The following LAMA2 variants were observed in gnomAD, a reference collection of about 807,000 sequenced individuals.
LAMA2 encodes the protein laminin subunit alpha 2.
LAMA2 carries 269 observed loss-of-function variants against 364.8 expected under a neutral mutation model. The ratio of observed to expected loss-of-function variants is 0.74; its 90% CI spans 0.67 to 0.82. The LOEUF is 0.82. Ranked by LOEUF, LAMA2 falls within the 40% of genes least tolerant of loss-of-function variation. LAMA2 has a pLI of 0.00. For synonymous variants in LAMA2, 1,379 were observed against 1,370.6 expected (o/e 1.01, Z -0.14); for missense variants, 3,807 against 3,873.2 (o/e 0.98, Z 0.45).
At chr6:129,297,918 T>A in intron 21 of LAMA2, 53 bp downstream of exon 21, 1 of 1,465,034 alleles carries the variant, frequency 6.8e-7, no homozygotes. Context: ...TTTTAGGGTC[T>A]GACTTCTGTA....
intron 48 of LAMA2, among the ~76,000 whole-genome samples, chr6:129,458,221 G>C (rs1038988626): frequency 6.6e-6 from 1 of 152,090 alleles, no homozygotes; most frequent in Non-Finnish European, 1.5e-5. Context: ...ACAATGAATA[G>C]TGAGACACAC....
At chr6:129,143,594 A>G (rs1353712985) in intron 4 of LAMA2, among the ~76,000 whole-genome samples, 11 of 152,080 alleles carry the variant, frequency 7.2e-5, no homozygotes, top group Non-Finnish European at 1.2e-4. Flanking sequence ...AGAAAGAATG[A>G]TTAAGAATTT....
At chr6:128,906,188 T>C (rs1777453755) in intron 1 of LAMA2, among the ~76,000 whole-genome samples, 1 of 122,448 alleles carries the variant, frequency 8.2e-6, no homozygotes, top group South Asian at 3.2e-4. Flanking sequence ...TTTCTAGTTC[T>C]AGATCCCTGA....
chr6:129,129,609 A>C (rs1273533385), intron 4 of LAMA2, among the ~76,000 whole-genome samples: 2 of 152,200 alleles, frequency 1.3e-5, no homozygotes, highest in Non-Finnish European at 2.9e-5. Flanking sequence ...AATTGAGAAT[A>C]AGGCATATTT....
intron 41 of LAMA2, among the ~76,000 whole-genome samples, chr6:129,436,595 G>A (rs1781843567): frequency 1.3e-5 from 2 of 151,894 alleles, no homozygotes; most frequent in African/African-American, 4.8e-5. Flanking sequence ...CAGTAGAATT[G>A]CCAAACCAAA....
intron 3 of LAMA2, among the ~76,000 whole-genome samples, chr6:129,092,402 T>G (rs1423586336): frequency 6.6e-6 from 1 of 152,200 alleles, no homozygotes. Context: ...TCCTTTCTGG[T>G]TCTGATATTG....
At chr6:129,318,400 C>G (rs1455434360) in intron 27 of LAMA2, among the ~76,000 whole-genome samples, 5 of 151,954 alleles carry the variant, frequency 3.3e-5, no homozygotes, top group African/African-American at 1.2e-4. Flanking sequence ...AAAGCCATTG[C>G]TCTCTAATCC....
At chr6:129,342,512 T>A (rs201472719) in intron 30 of LAMA2, 45 bp downstream of exon 30, 44 of 1,601,040 alleles carry the variant, frequency 2.7e-5, no homozygotes, top group Non-Finnish European at 3.6e-5. Flanking sequence ...AGAAACGCCA[T>A]CTGTCTAGCA....
At chr6:129,312,532 T>C (rs1173489406) in intron 22 of LAMA2, among the ~76,000 whole-genome samples, 1 of 152,230 alleles carries the variant, frequency 6.6e-6, no homozygotes, top group Non-Finnish European at 1.5e-5. Flanking sequence ...AAAATAACTT[T>C]GTCTAAAATT....
intron 41 of LAMA2, among the ~76,000 whole-genome samples, chr6:129,430,543 T>G (rs766309273): frequency 2.0e-5 from 3 of 152,228 alleles, no homozygotes; most frequent in Non-Finnish European, 4.4e-5. Flanking sequence ...ATTGCACTGA[T>G]CGAATGTTTG....
chr6:129,300,971 A>G (rs1481307913), intron 22 of LAMA2, 99 bp downstream of exon 22: 7 of 996,064 alleles, frequency 7.0e-6, no homozygotes, highest in East Asian at 2.4e-5. Context: ...TTACATCACA[A>G]AATAATGTAG....
intron 1 of LAMA2, among the ~76,000 whole-genome samples, chr6:128,889,443 C>G (rs1199714570): frequency 2.0e-5 from 3 of 152,206 alleles, no homozygotes; most frequent in Non-Finnish European, 4.4e-5. Flanking sequence ...TAAGCTTTAA[C>G]AATAACGTTT....
intron 40 of LAMA2, among the ~76,000 whole-genome samples, chr6:129,404,985 T>C (rs1207485715): frequency 6.6e-6 from 1 of 152,100 alleles, no homozygotes; most frequent in African/African-American, 2.4e-5. Context: ...GCCCTACTAA[T>C]GCCATATGTT....
chr6:128,887,690 G>A lies in LAMA2; in HGVS notation c.112+4333G>A, dbSNP rs180993170. Among the ~76,000 whole-genome samples the A allele has an allele frequency of 2.3e-3, 349 of 151,908 alleles. 1 individual carries two copies. The highest frequency in any genetic ancestry group is 7.6e-3 in the African/African-American group (315 of 41,432). ...TCAAGACCAGCCTGACCAACATAAC[G>A]GAAACCGTGTCTCTACTAAAAATAC... On this transcript the variant is annotated intron_variant, in intron 1 of 64. Transcript: ENST00000421865.
chr6:129,368,952 C>G (rs1777925057), intron 33 of LAMA2, among the ~76,000 whole-genome samples: 1 of 152,166 alleles, frequency 6.6e-6, no homozygotes, highest in South Asian at 2.1e-4. Flanking sequence ...CTTGTTGCAA[C>G]AAGGGGCACT....
chr6:129,306,894 A>T (rs907685205), intron 22 of LAMA2, among the ~76,000 whole-genome samples: 1 of 152,098 alleles, frequency 6.6e-6, no homozygotes, highest in Admixed American at 6.5e-5. Context: ...TAGCATTTTT[A>T]AAATGGTCAT....
intron 12 of LAMA2, among the ~76,000 whole-genome samples, chr6:129,217,406 T>G (rs1028372635): frequency 1.3e-5 from 2 of 152,162 alleles, no homozygotes; most frequent in East Asian, 3.9e-4. Flanking sequence ...GAATTTCTTT[T>G]AGCAATTATA....
chr6:129,205,448 A>C (rs900737209), intron 12 of LAMA2, among the ~76,000 whole-genome samples: 1 of 148,022 alleles, frequency 6.8e-6, no homozygotes, highest in Admixed American at 6.7e-5. Flanking sequence ...ACAGTCTTAC[A>C]TACTTCTCTT....
At chr6:128,898,657 T>C (rs1776908990) in intron 1 of LAMA2, among the ~76,000 whole-genome samples, 1 of 152,208 alleles carries the variant, frequency 6.6e-6, no homozygotes, top group Non-Finnish European at 1.5e-5. Context: ...TACAATCAAT[T>C]TTCCATGCAA....
Sources: allele counts gnomAD v4.1 joint callset (sites outside exome capture counted in the v4.1 genomes callset), GRCh38; gene constraint gnomAD v4.1.1; transcripts MANE v1.5; gene names NCBI Gene and HGNC (gene_info 2026-07-23, HGNC 2026-07-21).